CFAP61: variants seen among roughly 807,000 people sequenced by gnomAD.
CFAP61 encodes cilia- and flagella-associated protein 61.
CFAP61 carries 107 observed loss-of-function variants against 135.6 expected under a neutral mutation model. The observed-to-expected ratio is 0.79, with a 90% confidence interval of 0.67 to 0.93. The LOEUF is 0.93. Among genes scored for constraint, CFAP61 ranks in the 40% least tolerant of loss-of-function variants. CFAP61 has a pLI of 0.00. For synonymous variants in CFAP61, 575 were observed against 578.5 expected, an observed-to-expected ratio of 0.99 and a Z score of 0.09; for missense variants, 1,507 against 1,556.2, an observed-to-expected ratio of 0.97 and a Z score of 0.53.
At chr20:20,069,386 TTC>T (rs2045547588) in intron 2 of CFAP61, among the ~76,000 whole-genome samples, 1 of 152,162 alleles carries the variant, frequency 6.6e-6, no homozygotes, top group African/African-American at 2.4e-5. Context: ...GTTCAAGTGA[TTC>T]TCTGCCTCAG....
At chr20:20,169,265 T>G in intron 12 of CFAP61, 56 bp from the exon 13 acceptor site, 1 of 1,532,476 alleles carries the variant, frequency 6.5e-7, no homozygotes, top group Non-Finnish European at 8.9e-7. Context: ...GAGGAATTTG[T>G]TTTTTGATTA....
At chr20:20,126,741 C>G (rs972372254) in intron 8 of CFAP61, among the ~76,000 whole-genome samples, 3 of 151,816 alleles carry the variant, frequency 2.0e-5, no homozygotes, top group Non-Finnish European at 4.4e-5. Flanking sequence ...CTTTGTGCTT[C>G]TTGTATTTGG....
At chr20:20,052,625 A>G (rs776812300) in intron 1 of CFAP61, 34 bp downstream of exon 1, 2 of 1,613,536 alleles carry the variant, frequency 1.2e-6, no homozygotes, top group South Asian at 1.1e-5. Flanking sequence ...CAGCGACGCA[A>G]GGACTGCGGT....
At chr20:20,276,988 G>A (rs932739051) in intron 21 of CFAP61, among the ~76,000 whole-genome samples, 178 bp from the exon 22 acceptor site, 1 of 152,164 alleles carries the variant, frequency 6.6e-6, no homozygotes, top group Admixed American at 6.5e-5. Flanking sequence ...TACTTTGTGG[G>A]ATGTTTTGTG....
chr20:20,166,478 A>G (rs2053841546), intron 12 of CFAP61, 42 bp downstream of exon 12: 1 of 1,509,970 alleles, frequency 6.6e-7, no homozygotes, highest in Non-Finnish European at 9.2e-7. Context: ...TTGTAAGCTT[A>G]GAGAACTTAT....
chr20:20,127,361 A>G (rs1452723159), intron 8 of CFAP61, among the ~76,000 whole-genome samples: 1 of 151,662 alleles, frequency 6.6e-6, no homozygotes, highest in Non-Finnish European at 1.5e-5. Flanking sequence ...TGTCAGAGGG[A>G]AAGTCTAGGG....
At chr20:20,338,373 G>GT (rs1288558622) in intron 25 of CFAP61, among the ~76,000 whole-genome samples, 12 of 152,344 alleles carry the variant, frequency 7.9e-5, no homozygotes, top group African/African-American at 2.6e-4. Flanking sequence ...GTAGGCGTGA[G>GT]TGTCAGCTGG....
chr20:20,127,040 A>G (rs1364165510), intron 8 of CFAP61, among the ~76,000 whole-genome samples: 1 of 151,486 alleles, frequency 6.6e-6, no homozygotes, highest in African/African-American at 2.4e-5. Context: ...TTGCATTTCT[A>G]TAAGTGTGTC....
chr20:20,091,794 C>G (rs2047222509), intron 7 of CFAP61, among the ~76,000 whole-genome samples: 3 of 152,174 alleles, frequency 2.0e-5, no homozygotes, highest in African/African-American at 7.2e-5. Context: ...TCTCCTGCCT[C>G]AGCCTCCCTA....
intron 25 of CFAP61, among the ~76,000 whole-genome samples, chr20:20,334,810 C>G (rs1410979823): frequency 1.3e-5 from 2 of 152,176 alleles, no homozygotes; most frequent in Admixed American, 1.3e-4. Flanking sequence ...CGGATTCTTG[C>G]AAACTCAGGC....
intron 7 of CFAP61, among the ~76,000 whole-genome samples, chr20:20,094,955 G>A (rs1428968898): frequency 6.6e-6 from 1 of 152,088 alleles, no homozygotes; most frequent in African/African-American, 2.4e-5. Flanking sequence ...GGCTCTCAAG[G>A]GCTGATTGTT....
At chr20:20,101,978 A>T (rs1192932547) in intron 8 of CFAP61, among the ~76,000 whole-genome samples, 1 of 152,102 alleles carries the variant, frequency 6.6e-6, no homozygotes, top group East Asian at 1.9e-4. Context: ...TCAGTGGGTG[A>T]TCAGTGACCT....
At chr20:20,268,893 T>G (rs541204975) in intron 21 of CFAP61, among the ~76,000 whole-genome samples, 1 of 152,224 alleles carries the variant, frequency 6.6e-6, no homozygotes, top group South Asian at 2.1e-4. Context: ...CATCTTTAGC[T>G]AAATACAGTT....
At chr20:20,188,798 C>T (rs1226700320) in intron 14 of CFAP61, among the ~76,000 whole-genome samples, 1 of 152,180 alleles carries the variant, frequency 6.6e-6, no homozygotes, top group Non-Finnish European at 1.5e-5. Flanking sequence ...AATTTGCATA[C>T]ACCATGTAAC....
intron 26 of CFAP61, among the ~76,000 whole-genome samples, chr20:20,342,230 C>T (rs760403148): frequency 1.3e-5 from 2 of 152,172 alleles, no homozygotes; most frequent in African/African-American, 2.4e-5. Context: ...CCCTCAAGAA[C>T]GAACGTTGCA....
chr20:20,281,332 A>G (rs2054185140), intron 22 of CFAP61, among the ~76,000 whole-genome samples: 1 of 152,216 alleles, frequency 6.6e-6, no homozygotes. Context: ...CATATCCCAG[A>G]GAGAACTTTC....
chr20:20,316,401 CTT>C (rs1265075265), intron 25 of CFAP61, among the ~76,000 whole-genome samples: 2 of 151,754 alleles, frequency 1.3e-5, no homozygotes, highest in Admixed American at 1.3e-4. Context: ...TATCCTGAGA[CTT>C]TGCTGAAGTT....
intron 22 of CFAP61, among the ~76,000 whole-genome samples, chr20:20,282,602 A>T (rs1281380635): frequency 6.6e-6 from 1 of 152,136 alleles, no homozygotes; most frequent in Non-Finnish European, 1.5e-5. Flanking sequence ...TTATATTTTT[A>T]ATTGATTTCT....
intron 21 of CFAP61, among the ~76,000 whole-genome samples, chr20:20,270,994 G>T (rs970946696): frequency 3.3e-4 from 50 of 152,282 alleles, no homozygotes; most frequent in African/African-American, 1.2e-3. Context: ...TTTAAAATGT[G>T]ATCGCTTTAT....
Sources: allele counts gnomAD v4.1 joint callset (sites outside exome capture counted in the v4.1 genomes callset), GRCh38; gene constraint gnomAD v4.1.1; transcripts MANE v1.5; gene names NCBI Gene and HGNC (gene_info 2026-07-23, HGNC 2026-07-21).